Variants in GSTCD observed in about 807,000 individuals in gnomAD.
The protein encoded by GSTCD is glutathione S-transferase C-terminal domain containing, also known as glutathione S-transferase C-terminal domain-containing protein.
In GSTCD, 44 loss-of-function variants were observed where a neutral mutation model predicts 68.3. That is an observed-to-expected ratio of 0.64 (90% CI 0.51 to 0.83). The LOEUF (loss-of-function observed/expected upper bound fraction) is 0.83. Ranked by LOEUF, GSTCD falls within the 40% of genes least tolerant of loss-of-function variation. GSTCD has a pLI of 0.00. For missense variants in GSTCD, 739 were observed against 735.9 expected, an observed-to-expected ratio of 1.00 and a Z score of -0.05; for synonymous variants, 273 against 255.2, an observed-to-expected ratio of 1.07 and a Z score of -0.67.
chr4:105,725,589 AT>A (rs113065774), intron 3 of GSTCD, among the ~76,000 whole-genome samples: 4,255 of 151,818 alleles, frequency 0.028, 175 homozygotes, highest in African/African-American at 0.089. Context: ...GATGCTGAGC[AT>A]TTTTTTTATA....
chr4:105,713,074 A>G (rs1337366881), intron 1 of GSTCD, among the ~76,000 whole-genome samples: 1 of 152,244 alleles, frequency 6.6e-6, no homozygotes, highest in African/African-American at 2.4e-5. Flanking sequence ...AAACAAGCAC[A>G]GAGTAAAAAA....
rs1723383362 is a variant in GSTCD at position 105,822,982 on chromosome 4, G to A, written c.1269G>A (p.Arg423=). ...EGKMSSDRAL[R]KQQQLNNLVY... ...AAATGTCCAGTGATCGAGCTTTGAG[G>A]AAGCAGCAACAGTTGAACAACCTTG... The change falls in exon 6 of 12, where the codon AGG becomes AGA. Residue 423 remains arginine (R), a synonymous_variant. Transcript: ENST00000515279. The A allele has an allele frequency of 1.2e-6, 2 of 1,613,512 alleles. No homozygotes were observed. The highest frequency in any genetic ancestry group is 1.7e-6 in the Non-Finnish European group (2 of 1,179,636).
At chr4:105,730,229 A>G (rs945417320) in intron 5 of GSTCD, among the ~76,000 whole-genome samples, 1 of 152,236 alleles carries the variant, frequency 6.6e-6, no homozygotes, top group Non-Finnish European at 1.5e-5. Context: ...TTATAGCAGC[A>G]TGATTTATAA....
At chr4:105,726,957 C>A in intron 4 of GSTCD, 127 bp downstream of exon 4, 1 of 717,208 alleles carries the variant, frequency 1.4e-6, no homozygotes, top group East Asian at 2.8e-5. Context: ...TTTCTTCACT[C>A]TTTACCAGTT....
At chr4:105,752,770 T>C (rs1460140330) in intron 5 of GSTCD, among the ~76,000 whole-genome samples, 6 of 152,102 alleles carry the variant, frequency 3.9e-5, no homozygotes, top group Admixed American at 1.3e-4. Flanking sequence ...TTCAAAGGTA[T>C]ACTTAAGTAT....
At chr4:105,718,171 A>G in intron 2 of GSTCD, 132 bp downstream of exon 2, 2 of 686,912 alleles carry the variant, frequency 2.9e-6, no homozygotes, top group East Asian at 5.6e-5. Flanking sequence ...AACCAATGAA[A>G]TAAAGTAGCC....
intron 5 of GSTCD, among the ~76,000 whole-genome samples, chr4:105,821,994 G>T (rs545386392): frequency 5.9e-5 from 9 of 151,790 alleles, no homozygotes; most frequent in African/African-American, 1.9e-4. Flanking sequence ...CCATTTTTCT[G>T]GGAAAAAGGA....
At chr4:105,729,610 T>C (rs564776381) in intron 5 of GSTCD, 111 bp downstream of exon 5, 29 of 534,860 alleles carry the variant, frequency 5.4e-5, no homozygotes, top group Middle Eastern at 6.2e-4. Context: ...CTGATTATAC[T>C]ATCAGTTGAG....
intron 1 of GSTCD, among the ~76,000 whole-genome samples, chr4:105,715,719 TGAA>T (rs949758112): frequency 7.7e-6 from 1 of 129,488 alleles, no homozygotes; most frequent in African/African-American, 3.3e-5. Context: ...TTTAGTATGA[TGAA>T]GGTTTTCTAA....
At chr4:105,749,402 T>A (rs900824059) in intron 5 of GSTCD, among the ~76,000 whole-genome samples, 2 of 151,626 alleles carry the variant, frequency 1.3e-5, no homozygotes, top group African/African-American at 4.8e-5. Context: ...GAAAAAAAAA[T>A]TTGAAAAAGA....
chr4:105,717,133 TCTC>T (rs1026696420), intron 1 of GSTCD, among the ~76,000 whole-genome samples: 5 of 152,162 alleles, frequency 3.3e-5, no homozygotes, highest in African/African-American at 9.7e-5. Flanking sequence ...AGAATCCACT[TCTC>T]CTGAAAGAAC....
At chr4:105,779,587 G>A (rs1205400162) in intron 5 of GSTCD, among the ~76,000 whole-genome samples, 1 of 152,062 alleles carries the variant, frequency 6.6e-6, no homozygotes, top group Non-Finnish European at 1.5e-5. Flanking sequence ...AATTTGTCAA[G>A]TGTATTTATT....
At chr4:105,842,185 G>A in intron 11 of GSTCD, 51 bp downstream of exon 11, 2 of 1,411,698 alleles carry the variant, frequency 1.4e-6, no homozygotes, top group Non-Finnish European at 2.0e-6. Context: ...CAATATGACT[G>A]GGAATGATTG....
At chr4:105,756,580 GTATATATA>G (rs3055930) in intron 5 of GSTCD, among the ~76,000 whole-genome samples, 1 of 142,438 alleles carries the variant, frequency 7.0e-6, no homozygotes, top group Non-Finnish European at 1.5e-5. Context: ...GTGTGTGTGT[GTATATATA>G]TATATATATA....
chr4:105,805,441 A>G (rs1019069409), intron 5 of GSTCD, among the ~76,000 whole-genome samples: 1 of 152,058 alleles, frequency 6.6e-6, no homozygotes, highest in Non-Finnish European at 1.5e-5. Flanking sequence ...TTTCTAATAT[A>G]TTTTTCATTG....
intron 9 of GSTCD, among the ~76,000 whole-genome samples, chr4:105,837,243 CA>C (rs905354382): frequency 6.6e-6 from 1 of 152,200 alleles, no homozygotes; most frequent in African/African-American, 2.4e-5. Flanking sequence ...CCTTATCCCA[CA>C]ACTACCTCCT....
rs1166178840 is a variant in GSTCD, at chr4:105,729,572, A to G, written c.1240+73A>G. On this transcript the variant is annotated intron_variant, in intron 5 of 11. Coordinates refer to ENST00000515279, the MANE Select transcript of GSTCD (RefSeq NM_001370181.1). ...CTTCAGATATGTCTTCTAATTCTCT[A>G]AATCTCCCTTTGGCTTTATCTAATA... The G allele has an allele frequency of 2.2e-5, 21 of 960,564 alleles. No individual in the cohort carries two copies. In the East Asian group the frequency reaches 4.8e-4, roughly 22 times the overall value. 59.5% of individuals were successfully genotyped at this position (960,564 alleles called of 1,614,324 possible).
chr4:105,766,947 T>C (rs1321046368), intron 5 of GSTCD, among the ~76,000 whole-genome samples: 1 of 148,438 alleles, frequency 6.7e-6, no homozygotes, highest in African/African-American at 2.5e-5. Flanking sequence ...TTTCCAGTGT[T>C]CCAGTATATA....
At chr4:105,840,034 G>GTT (rs1434806469) in intron 10 of GSTCD, among the ~76,000 whole-genome samples, 1 of 152,176 alleles carries the variant, frequency 6.6e-6, no homozygotes, top group Admixed American at 6.5e-5. Context: ...CTTTGGAAGT[G>GTT]TTTTTCTCTG....
Sources: allele counts gnomAD v4.1 joint callset (sites outside exome capture counted in the v4.1 genomes callset), GRCh38; gene constraint gnomAD v4.1.1; transcripts MANE v1.5; gene names NCBI Gene and HGNC (gene_info 2026-07-23, HGNC 2026-07-21).